The following HOMER1 variants were observed in gnomAD, a reference collection of about 807,000 sequenced individuals.
HOMER1 encodes the protein homer protein homolog 1.
HOMER1 carries 3 observed loss-of-function variants against 48.9 expected under a neutral mutation model. That is an observed-to-expected ratio of 0.06 (90% CI 0.03 to 0.16). HOMER1 has a LOEUF of 0.16. Among genes scored for constraint, HOMER1 ranks in the 10% least tolerant of loss-of-function variants. The pLI, the probability that HOMER1 is intolerant of heterozygous loss-of-function variation, is 1.00. For synonymous variants in HOMER1, 134 were observed against 146.4 expected (o/e 0.92, Z 0.61); for missense variants, 247 against 411.4 (o/e 0.60, Z 3.46).
intron 1 of HOMER1, among the ~76,000 whole-genome samples, chr5:79,459,459 A>G (rs1180896655): frequency 6.6e-6 from 1 of 152,184 alleles, no homozygotes; most frequent in Admixed American, 6.5e-5. Flanking sequence ...TCTCTTCTGA[A>G]CAGCTGGTTT....
At chr5:79,501,047 T>C (rs528571203) in intron 1 of HOMER1, among the ~76,000 whole-genome samples, 134 of 151,528 alleles carry the variant, frequency 8.8e-4, no homozygotes, top group African/African-American at 3.2e-3. Context: ...CTCAGCTTAC[T>C]GCATCCTCTG....
chr5:79,387,559 G>A (rs1749149830), intron 8 of HOMER1, among the ~76,000 whole-genome samples: 1 of 151,970 alleles, frequency 6.6e-6, no homozygotes, highest in Non-Finnish European at 1.5e-5. Flanking sequence ...CTATATAATA[G>A]GAACTATAAA....
At chr5:79,415,478 G>T (rs1279512384) in intron 5 of HOMER1, among the ~76,000 whole-genome samples, 4 of 152,144 alleles carry the variant, frequency 2.6e-5, no homozygotes, top group African/African-American at 9.7e-5. Flanking sequence ...TGCATATGAT[G>T]AAGTTATAAG....
intron 1 of HOMER1, among the ~76,000 whole-genome samples, chr5:79,487,547 C>T (rs910318865): frequency 1.3e-5 from 2 of 152,034 alleles, no homozygotes; most frequent in African/African-American, 4.8e-5. Context: ...TTAAAGGATA[C>T]CATGAGTCTG....
chr5:79,424,526 A>G (rs1016055590), intron 5 of HOMER1, among the ~76,000 whole-genome samples: 63 of 152,036 alleles, frequency 4.1e-4, no homozygotes, highest in African/African-American at 1.5e-3. Context: ...ATTCTAAAAT[A>G]AACAAAAACT....
chr5:79,422,620 A>AG (rs1312251201), intron 5 of HOMER1, among the ~76,000 whole-genome samples: 1 of 151,922 alleles, frequency 6.6e-6, no homozygotes, highest in Non-Finnish European at 1.5e-5. Context: ...TCAAAAAAAA[A>AG]AGAAAAAAAC....
intron 2 of HOMER1, among the ~76,000 whole-genome samples, chr5:79,452,276 T>C (rs1238796875): frequency 6.6e-6 from 1 of 152,242 alleles, no homozygotes; most frequent in Admixed American, 6.5e-5. Flanking sequence ...TCATTTTTGT[T>C]TCACACATAA....
chr5:79,372,878 G>A lies in HOMER1; in HGVS notation c.*3131C>T, dbSNP rs1748671302. 6.6e-6 allele frequency: 1 copy of A among 152,048 alleles called. No individual in the cohort carries two copies. The highest frequency in any genetic ancestry group is 6.6e-5 in the Admixed American group (1 of 15,264). 9.4% of individuals were successfully genotyped at this position (152,048 alleles called of 1,614,324 possible). On this transcript the variant is annotated 3_prime_UTR_variant, in exon 9 of 9. Coordinates refer to ENST00000334082, the MANE Select transcript of HOMER1 (RefSeq NM_004272.5). ...TGGTGGTGTTGGCTTAATTTTGAGT[G>A]TTCCTTTTATTTCCACCTGAAAAAA...
At chr5:79,481,913 T>C (rs533868735) in intron 1 of HOMER1, among the ~76,000 whole-genome samples, 2 of 152,174 alleles carry the variant, frequency 1.3e-5, no homozygotes, top group African/African-American at 4.8e-5. Context: ...AGAACAAAGC[T>C]CAAGAATATT....
intron 8 of HOMER1, among the ~76,000 whole-genome samples, chr5:79,383,442 G>T (rs1749030416): frequency 6.7e-6 from 1 of 150,294 alleles, no homozygotes; most frequent in Non-Finnish European, 1.5e-5. Context: ...CTAGAGTGCA[G>T]TGGTGCGATC....
At chr5:79,380,624 T>A (rs1477545156) in intron 8 of HOMER1, among the ~76,000 whole-genome samples, 2 of 152,148 alleles carry the variant, frequency 1.3e-5, no homozygotes, top group Non-Finnish European at 2.9e-5. Flanking sequence ...CGCCCCTACC[T>A]ACCATGGCTG....
chr5:79,384,257 A>G (rs1215462731), intron 8 of HOMER1, among the ~76,000 whole-genome samples: 1 of 152,150 alleles, frequency 6.6e-6, no homozygotes, highest in Non-Finnish European at 1.5e-5. Context: ...CAAAATTGAT[A>G]AATCACTAGC....
intron 1 of HOMER1, among the ~76,000 whole-genome samples, chr5:79,503,039 G>A (rs1278080024): frequency 1.1e-4 from 17 of 151,994 alleles, no homozygotes; most frequent in Non-Finnish European, 2.5e-4. Flanking sequence ...TGCCCGCCTT[G>A]GCCTCCCAAA....
At chr5:79,390,577 A>C (rs1749223638) in intron 8 of HOMER1, among the ~76,000 whole-genome samples, 1 of 152,224 alleles carries the variant, frequency 6.6e-6, no homozygotes, top group South Asian at 2.1e-4. Context: ...AACATGAATG[A>C]GTCATCTACT....
chr5:79,491,206 T>C (rs1561385152), intron 1 of HOMER1, among the ~76,000 whole-genome samples: 1 of 147,578 alleles, frequency 6.8e-6, no homozygotes, highest in East Asian at 2.0e-4. Flanking sequence ...CTGAGGTGGA[T>C]GGATCACTTG....
At chr5:79,461,638 A>G (rs897283874) in intron 1 of HOMER1, among the ~76,000 whole-genome samples, 1 of 152,214 alleles carries the variant, frequency 6.6e-6, no homozygotes, top group Non-Finnish European at 1.5e-5. Flanking sequence ...TTCATGTAAT[A>G]TATTTACATC....
At chr5:79,376,439 A>G (rs1484334236) in intron 8 of HOMER1, among the ~76,000 whole-genome samples, 1 of 152,106 alleles carries the variant, frequency 6.6e-6, no homozygotes, top group Non-Finnish European at 1.5e-5. Context: ...CTACTGACTC[A>G]TTACTTTGTG....
chr5:79,396,011 C>A (rs553778723), intron 8 of HOMER1, among the ~76,000 whole-genome samples: 19 of 152,232 alleles, frequency 1.2e-4, no homozygotes, highest in Non-Finnish European at 2.4e-4. Flanking sequence ...TATTTCTACT[C>A]CAAAGTCATC....
intron 8 of HOMER1, among the ~76,000 whole-genome samples, chr5:79,380,723 TA>T: frequency 6.6e-6 from 1 of 151,548 alleles, no homozygotes; most frequent in Non-Finnish European, 1.5e-5. Context: ...AATCGGGGGG[TA>T]GGGGGAGTGA....
Sources: gnomAD v4.1 joint callset for allele counts (sites outside exome capture counted in the v4.1 genomes callset) on GRCh38, gnomAD v4.1.1 for gene constraint, MANE v1.5 for transcripts, NCBI Gene and HGNC (gene_info 2026-07-23, HGNC 2026-07-21) for gene names.